ARHGAP28: variants seen among roughly 807,000 people sequenced by gnomAD.
The protein encoded by ARHGAP28 is rho GTPase-activating protein 28.
In ARHGAP28, 56 loss-of-function variants were observed where a neutral mutation model predicts 90.7. That is an observed-to-expected ratio of 0.62 (90% CI 0.50 to 0.77). ARHGAP28 has a LOEUF of 0.77. Among genes scored for constraint, ARHGAP28 ranks in the 30% least tolerant of loss-of-function variants. ARHGAP28 has a pLI of 0.00. For synonymous variants in ARHGAP28, 308 were observed against 323.3 expected, an observed-to-expected ratio of 0.95 and a Z score of 0.51; for missense variants, 869 against 900.9, an observed-to-expected ratio of 0.96 and a Z score of 0.45.
intron 16 of ARHGAP28, among the ~76,000 whole-genome samples, chr18:6,903,826 CAAAAAAA>C (rs35606759): frequency 1.2e-5 from 1 of 84,058 alleles, no homozygotes; most frequent in African/African-American, 5.0e-5. Context: ...GACTCCATCT[CAAAAAAA>C]AAAAAAAAAA....
At chr18:6,886,358 T>A (rs1406637628) in intron 11 of ARHGAP28, among the ~76,000 whole-genome samples, 2 of 152,108 alleles carry the variant, frequency 1.3e-5, no homozygotes, top group African/African-American at 2.4e-5. Context: ...ATTCTAAATT[T>A]TCAGCACAGC....
intron 4 of ARHGAP28, among the ~76,000 whole-genome samples, chr18:6,853,607 G>A (rs2056927774): frequency 6.6e-6 from 1 of 151,900 alleles, no homozygotes; most frequent in Non-Finnish European, 1.5e-5. Context: ...CAAGTAGCTG[G>A]GATTACAGGC....
chr18:6,744,559 T>C (rs969564761), intron 1 of ARHGAP28, among the ~76,000 whole-genome samples: 24 of 152,222 alleles, frequency 1.6e-4, no homozygotes, highest in Admixed American at 1.1e-3. Flanking sequence ...TCCCCTCTCA[T>C]TGAACTGTAC....
At chr18:6,873,011 T>C (rs920181462) in intron 7 of ARHGAP28, among the ~76,000 whole-genome samples, 3 of 152,184 alleles carry the variant, frequency 2.0e-5, no homozygotes, top group Non-Finnish European at 2.9e-5. Context: ...AACATATGTT[T>C]AGAGCTCTCC....
chr18:6,858,167 T>C (rs2056969042), intron 4 of ARHGAP28, among the ~76,000 whole-genome samples: 1 of 152,174 alleles, frequency 6.6e-6, no homozygotes, highest in South Asian at 2.1e-4. Context: ...TTGGTGTTTT[T>C]TCCTTGGGTT....
intron 1 of ARHGAP28, among the ~76,000 whole-genome samples, chr18:6,761,242 G>C (rs2056157421): frequency 6.6e-6 from 1 of 152,106 alleles, no homozygotes. Flanking sequence ...CTTGATTTCA[G>C]TGACATTTCA....
intron 1 of ARHGAP28, among the ~76,000 whole-genome samples, chr18:6,818,492 A>G (rs1453147407): frequency 1.3e-5 from 2 of 152,166 alleles, no homozygotes; most frequent in African/African-American, 4.8e-5. Context: ...TGGTTCCTCT[A>G]TATTCTAGTG....
At chr18:6,887,874 T>G (rs957785377) in intron 12 of ARHGAP28, among the ~76,000 whole-genome samples, 2 of 152,198 alleles carry the variant, frequency 1.3e-5, no homozygotes, top group Non-Finnish European at 1.5e-5. Flanking sequence ...AATAAGACCA[T>G]TATGTAACTT....
At chr18:6,772,368 G>C (rs190562131) in intron 1 of ARHGAP28, among the ~76,000 whole-genome samples, 87 of 152,228 alleles carry the variant, frequency 5.7e-4, no homozygotes, top group Admixed American at 2.7e-3. Flanking sequence ...TTTTCCCTGG[G>C]ATGTTTCTCT....
At chr18:6,908,155 C>T (rs1237376885) in intron 16 of ARHGAP28, among the ~76,000 whole-genome samples, 5 of 123,142 alleles carry the variant, frequency 4.1e-5, no homozygotes, top group East Asian at 4.0e-4. Flanking sequence ...ATTTTATTTT[C>T]GAGATGGAGT....
chr18:6,844,592 G>A (rs368141875), intron 3 of ARHGAP28, among the ~76,000 whole-genome samples: 23 of 152,112 alleles, frequency 1.5e-4, no homozygotes, highest in Non-Finnish European at 2.4e-4. Context: ...ATTAAATTTC[G>A]GAAACATAAA....
rs551970011 is a variant in ARHGAP28, at chr18:6,752,864, T to TG, written c.122+22922dup. ...TTCTAAGAAATTAAGCTAGTATCGT[T>TG]GCACCAAGTCATGGGTTTATGTTTT... On this transcript the variant is annotated intron_variant, in intron 1 of 17. Transcript: ENST00000383472. 8.5e-5 allele frequency among the ~76,000 whole-genome samples: 13 copies of TG among 152,326 alleles called. No homozygotes were observed. In the South Asian group the frequency reaches 1.9e-3, roughly 22 times the overall value.
intron 4 of ARHGAP28, among the ~76,000 whole-genome samples, chr18:6,858,951 A>T (rs997248506): frequency 6.6e-6 from 1 of 152,208 alleles, no homozygotes; most frequent in East Asian, 1.9e-4. Context: ...GTCAAGCAAA[A>T]TACATTCAAT....
intron 3 of ARHGAP28, among the ~76,000 whole-genome samples, chr18:6,849,099 A>T (rs1600244071): frequency 6.6e-6 from 1 of 151,656 alleles, no homozygotes; most frequent in South Asian, 2.1e-4. Flanking sequence ...AAAAAAAAAA[A>T]TTAAAAAAAT....
chr18:6,832,304 A>G (rs2056722397), intron 2 of ARHGAP28, among the ~76,000 whole-genome samples: 1 of 151,428 alleles, frequency 6.6e-6, no homozygotes, highest in African/African-American at 2.4e-5. Context: ...TGAAATTTAG[A>G]CTTATTTTAT....
At chr18:6,762,384 T>G (rs747148507) in intron 1 of ARHGAP28, among the ~76,000 whole-genome samples, 4 of 152,208 alleles carry the variant, frequency 2.6e-5, no homozygotes, top group Non-Finnish European at 4.4e-5. Flanking sequence ...TGCCACCACT[T>G]CCCTCTCTAG....
chr18:6,849,521 T>A (rs1441255355), intron 3 of ARHGAP28, among the ~76,000 whole-genome samples: 4 of 152,220 alleles, frequency 2.6e-5, no homozygotes, highest in Non-Finnish European at 4.4e-5. Context: ...CTTAGCAGAT[T>A]GTGCCTTTTA....
intron 1 of ARHGAP28, among the ~76,000 whole-genome samples, chr18:6,799,866 A>T (rs1392358357): frequency 6.6e-6 from 1 of 152,248 alleles, no homozygotes; most frequent in Non-Finnish European, 1.5e-5. Flanking sequence ...GACAATTGGG[A>T]TCTAATTAAA....
intron 2 of ARHGAP28, among the ~76,000 whole-genome samples, chr18:6,828,223 C>A (rs150985326): frequency 2.9e-4 from 44 of 152,310 alleles, no homozygotes; most frequent in African/African-American, 9.6e-4. Flanking sequence ...TGGCGGCACG[C>A]GCCTGCAATC....
Sources: allele counts gnomAD v4.1 joint callset (sites outside exome capture counted in the v4.1 genomes callset), GRCh38; gene constraint gnomAD v4.1.1; transcripts MANE v1.5; gene names NCBI Gene and HGNC (gene_info 2026-07-23, HGNC 2026-07-21).